The following TRPM1 variants were observed in gnomAD, a reference collection of about 807,000 sequenced individuals.
TRPM1 encodes transient receptor potential cation channel subfamily M member 1.
TRPM1 carries 113 observed loss-of-function variants against 149.4 expected under a neutral mutation model. The ratio of observed to expected loss-of-function variants is 0.76; its 90% CI spans 0.65 to 0.88. The LOEUF is 0.88. TRPM1 is among the 40% of genes least tolerant of loss of function. The pLI is 0.00. For synonymous variants in TRPM1, 741 were observed against 759.5 expected, an observed-to-expected ratio of 0.98 and a Z score of 0.40; for missense variants, 1,976 against 2,038.7, an observed-to-expected ratio of 0.97 and a Z score of 0.59.
intron 1 of TRPM1, among the ~76,000 whole-genome samples, chr15:31,087,229 G>A: frequency 8.4e-6 from 1 of 118,378 alleles, no homozygotes. Context: ...GTCTCAATAG[G>A]GATTTTTTTT....
chr15:31,077,101 C>A, intron 2 of TRPM1, 117 bp from the exon 3 acceptor site: 1 of 719,026 alleles, frequency 1.4e-6, no homozygotes, highest in South Asian at 1.5e-5. Flanking sequence ...TAGTCATCTG[C>A]AATAATGGTG....
intron 11 of TRPM1, among the ~76,000 whole-genome samples, chr15:31,053,244 TTA>T (rs562566397): frequency 2.9e-4 from 44 of 152,100 alleles, no homozygotes; most frequent in Non-Finnish European, 5.7e-4. Context: ...AAGATGGCTA[TTA>T]TCTTTTTTTT....
chr15:31,104,593 T>G (rs2035573140), upstream of TRPM1, among the ~76,000 whole-genome samples: 2 of 136,982 alleles, frequency 1.5e-5, no homozygotes, highest in African/African-American at 5.5e-5. Flanking sequence ...TTCCTTTTTT[T>G]TTTTTTTTTT....
chr15:31,071,417 G>A (rs1019010139), intron 3 of TRPM1, among the ~76,000 whole-genome samples: 6 of 152,174 alleles, frequency 3.9e-5, no homozygotes, highest in Admixed American at 3.9e-4. Flanking sequence ...GTGCACGTGT[G>A]TAATGCACAT....
chr15:31,067,996 G>A lies in TRPM1; in HGVS notation c.376C>T (p.His126Tyr), dbSNP rs773034156. ...LELPKLLISV[H>Y]GGLQNFEMQP... Reference sequence around the variant, plus strand: ...ATCTCAAAGTTCTGGAGGCCTCCATGCACAGATATTAAGAGCTTGGGGAGT... The same window carrying A: ...ATCTCAAAGTTCTGGAGGCCTCCATACACAGATATTAAGAGCTTGGGGAGT... The change falls in exon 5 of 28, where the codon CAT becomes TAT. Residue 126 changes from histidine to tyrosine, a missense_variant. His to Tyr is a moderately conservative substitution (Grantham distance 83). This residue lies in a region of TRPM1 where 1,332 missense variants were observed against 1,347.1 expected (regional missense o/e 0.99). Transcript: ENST00000256552. The A allele has an allele frequency of 1.2e-6, 2 of 1,614,160 alleles. No individual in the cohort carries two copies. Among genetic ancestry groups the A allele is most frequent in the Non-Finnish European group, 1.7e-6 (2 of 1,180,006 alleles).
chr15:31,125,189 CAA>C (rs1477467279), intron 1 of TRPM1, among the ~76,000 whole-genome samples: 1 of 101,220 alleles, frequency 9.9e-6, no homozygotes, highest in Non-Finnish European at 2.0e-5. Context: ...AAAAACAAAA[CAA>C]AACAAAAAAC....
rs2032054089 is a variant in TRPM1 at position 31,007,890 on chromosome 15, C to A, written c.3630-4820G>T. 2.0e-5 allele frequency among the ~76,000 whole-genome samples: 3 copies of A among 152,184 alleles called. No individual in the cohort carries two copies. The South Asian group carries it at 6.2e-4, about 32-fold the overall frequency. ...CTTTGTAGTTTTCTGCATATAGATC[C>A]CATACGTATTTTACGAGATTTATAC... On this transcript the variant is annotated intron_variant, in intron 27 of 27. Transcript: ENST00000256552.
At chr15:31,046,122 A>G in intron 16 of TRPM1, 82 bp downstream of exon 16, 1 of 1,403,980 alleles carries the variant, frequency 7.1e-7, no homozygotes, top group Non-Finnish European at 1.0e-6. Flanking sequence ...GTAGTATCGT[A>G]TATTCGCAAA....
At chr15:31,004,458 T>C (rs1280932305) in intron 27 of TRPM1, among the ~76,000 whole-genome samples, 2 of 151,856 alleles carry the variant, frequency 1.3e-5, no homozygotes, top group African/African-American at 4.8e-5. Context: ...CTAATGCCAC[T>C]CTTCTGTTGA....
chr15:31,075,521 G>A (rs1410848084), intron 3 of TRPM1, among the ~76,000 whole-genome samples: 4 of 152,124 alleles, frequency 2.6e-5, no homozygotes, highest in African/African-American at 9.7e-5. Flanking sequence ...TACATGAGTG[G>A]GGCACGGGTG....
upstream of TRPM1, among the ~76,000 whole-genome samples, chr15:31,102,429 C>T (rs1567056723): frequency 6.6e-6 from 1 of 152,264 alleles, no homozygotes; most frequent in Non-Finnish European, 1.5e-5. Context: ...GCTGGGTCTT[C>T]CCCAGCATCT....
At chr15:31,050,748 G>GCACCCA (rs2033927271) in intron 11 of TRPM1, among the ~76,000 whole-genome samples, 166 bp from the exon 12 acceptor site, 1 of 152,112 alleles carries the variant, frequency 6.6e-6, no homozygotes, top group African/African-American at 2.4e-5. Context: ...CCACACATAT[G>GCACCCA]TACAGGTGCA....
chr15:31,147,562 T>A (rs1165513227), intron 1 of TRPM1, among the ~76,000 whole-genome samples: 1 of 152,188 alleles, frequency 6.6e-6, no homozygotes, highest in African/African-American at 2.4e-5. Flanking sequence ...GAACTGGGGT[T>A]TGGACTAAGG....
At chr15:31,092,594 G>A (rs1035707) in intron 1 of TRPM1, among the ~76,000 whole-genome samples, 125,049 of 152,192 alleles carry the variant, frequency 0.82, 51,932 homozygotes, top group East Asian at 0.98. Context: ...ACGATTTCTC[G>A]TTGTCTCAGG....
intron 1 of TRPM1, among the ~76,000 whole-genome samples, chr15:31,089,891 C>T (rs533794949): frequency 6.6e-6 from 1 of 152,304 alleles, no homozygotes; most frequent in Admixed American, 6.5e-5. Flanking sequence ...GAACTGATGT[C>T]ACCTGGGGCA....
At chr15:31,048,555 T>C (rs1309463711) in intron 13 of TRPM1, among the ~76,000 whole-genome samples, 2 of 152,196 alleles carry the variant, frequency 1.3e-5, no homozygotes, top group Non-Finnish European at 2.9e-5. Context: ...TTTGAGCCTA[T>C]TATCCCAGCA....
At chr15:31,051,562 A>G (rs1397261107) in intron 11 of TRPM1, among the ~76,000 whole-genome samples, 1 of 152,138 alleles carries the variant, frequency 6.6e-6, no homozygotes, top group Non-Finnish European at 1.5e-5. Flanking sequence ...CTTGGGCATC[A>G]CAAGCTCCCA....
At chr15:31,104,718 C>T (rs557090837), upstream of TRPM1, among the ~76,000 whole-genome samples, 9 of 151,666 alleles carry the variant, frequency 5.9e-5, no homozygotes, top group East Asian at 3.9e-4. Flanking sequence ...CTCAGCCTCC[C>T]GAGTAGCTGG....
chr15:31,036,726 C>T (rs1440439123), intron 20 of TRPM1, among the ~76,000 whole-genome samples: 1 of 152,212 alleles, frequency 6.6e-6, no homozygotes, highest in African/African-American at 2.4e-5. Context: ...CTGGGTGCAC[C>T]CCAGGCCCTC....
Sources: gnomAD v4.1 joint callset for allele counts (sites outside exome capture counted in the v4.1 genomes callset) on GRCh38, gnomAD v4.1.1 for gene constraint, gnomAD v4.1.1 regional missense constraint, MANE v1.5 for transcripts, NCBI Gene and HGNC (gene_info 2026-07-23, HGNC 2026-07-21) for gene names.